SEL1L2: variants seen among roughly 807,000 people sequenced by gnomAD.
SEL1L2 encodes the protein protein sel-1 homolog 2.
In SEL1L2, 89 loss-of-function variants were observed where a neutral mutation model predicts 98.8. The observed-to-expected ratio is 0.90, with a 90% CI of 0.76 to 1.07. The LOEUF is 1.07. SEL1L2 is among the 50% of genes least tolerant of loss of function. SEL1L2 has a pLI of 0.00. For missense variants in SEL1L2, 788 were observed against 812.0 expected (o/e 0.97, Z 0.36); for synonymous variants, 262 against 278.5 (o/e 0.94, Z 0.59).
chr20:13,927,766 G>T (rs1347898545), intron 3 of SEL1L2, among the ~76,000 whole-genome samples: 1 of 152,190 alleles, frequency 6.6e-6, no homozygotes, highest in Non-Finnish European at 1.5e-5. Context: ...ATAAGGTTCT[G>T]AGCCAGTCTG....
intron 1 of SEL1L2, among the ~76,000 whole-genome samples, chr20:13,968,604 A>G (rs1301898603): frequency 2.0e-5 from 3 of 152,216 alleles, no homozygotes; most frequent in Non-Finnish European, 2.9e-5. Flanking sequence ...TGCTTCAGAA[A>G]AAAATAATGA....
At position 13,919,039 on chromosome 20, in the gene SEL1L2, CT is replaced by C; in HGVS notation, c.367del (p.Ser123AlafsTer21). ...GACTTACTCTTCTTTTTGTTTTTGGCTTTTAGACTGCTGGAGAACCTTGATG... is the reference window on the plus strand; with the variant it reads ...GACTTACTCTTCTTTTTGTTTTTGGCTTTAGACTGCTGGAGAACCTTGATG... ...MGIKVLQQSK[S>X]QKQKEEAYLL... On this transcript the variant is annotated frameshift_variant, in exon 4 of 20. Coordinates refer to ENST00000284951, the MANE Select transcript of SEL1L2 (RefSeq NM_025229.2). LOFTEE classifies it high-confidence loss of function. The C allele has an allele frequency of 4.3e-6, 7 of 1,611,876 alleles. No individual in the cohort carries two copies. Among genetic ancestry groups the C allele is most frequent in the Non-Finnish European group, 5.9e-6 (7 of 1,178,994 alleles).
intron 17 of SEL1L2, among the ~76,000 whole-genome samples, chr20:13,861,170 T>G (rs1311987959): frequency 6.6e-6 from 1 of 152,130 alleles, no homozygotes; most frequent in Non-Finnish European, 1.5e-5. Flanking sequence ...TGATCTTTTT[T>G]TTTATTTTTA....
intron 5 of SEL1L2, among the ~76,000 whole-genome samples, chr20:13,891,619 A>T (rs984854327): frequency 1.4e-5 from 2 of 147,680 alleles, no homozygotes; most frequent in African/African-American, 5.0e-5. Context: ...GTGAGCCAAG[A>T]TCATGCCACT....
chr20:13,933,694 C>T (rs188956504), intron 2 of SEL1L2, among the ~76,000 whole-genome samples: 1 of 152,152 alleles, frequency 6.6e-6, no homozygotes, highest in Non-Finnish European at 1.5e-5. Flanking sequence ...CCAGCTTCAA[C>T]ATGCGGATTC....
chr20:13,946,598 C>A (rs1356741119), intron 2 of SEL1L2, among the ~76,000 whole-genome samples: 1 of 152,250 alleles, frequency 6.6e-6, no homozygotes, highest in Non-Finnish European at 1.5e-5. Flanking sequence ...CTCCGCAGAG[C>A]CAGTGGAAGC....
chr20:13,907,536 T>G (rs2047987106), intron 5 of SEL1L2, among the ~76,000 whole-genome samples: 1 of 152,114 alleles, frequency 6.6e-6, no homozygotes, highest in African/African-American at 2.4e-5. Flanking sequence ...GCCCCTGCAC[T>G]CTAGCCTGGG....
chr20:13,922,365 C>T (rs2048702196), intron 3 of SEL1L2, among the ~76,000 whole-genome samples: 2 of 152,118 alleles, frequency 1.3e-5, no homozygotes, highest in Non-Finnish European at 2.9e-5. Flanking sequence ...TCGATTGCAT[C>T]TTTATTTGAC....
intron 2 of SEL1L2, among the ~76,000 whole-genome samples, chr20:13,953,084 C>A (rs892901679): frequency 6.6e-6 from 1 of 152,190 alleles, no homozygotes; most frequent in Non-Finnish European, 1.5e-5. Context: ...ATTTCCCAAA[C>A]CTTAGACTGG....
At chr20:13,967,770 T>G (rs1010065831) in intron 1 of SEL1L2, among the ~76,000 whole-genome samples, 1 of 152,130 alleles carries the variant, frequency 6.6e-6, no homozygotes, top group Non-Finnish European at 1.5e-5. Flanking sequence ...CCCCAACCTC[T>G]ATGCTCTGAG....
chr20:13,856,274 C>T (rs1331857033), intron 18 of SEL1L2, among the ~76,000 whole-genome samples: 2 of 152,028 alleles, frequency 1.3e-5, no homozygotes, highest in Non-Finnish European at 2.9e-5. Flanking sequence ...GGACAATAGG[C>T]ACATGCTACC....
At position 13,933,736 on chromosome 20, in the gene SEL1L2, A is replaced by C. The variant is rs374891929; in HGVS notation, c.115-1965T>G. ...CTCCTGGAGCATCAGTATCTAGCAGACAGAAAGAGAAAGAGCCTGGAAGAC... is the reference window on the plus strand; with the variant it reads ...CTCCTGGAGCATCAGTATCTAGCAGCCAGAAAGAGAAAGAGCCTGGAAGAC... On this transcript the variant is annotated intron_variant, in intron 2 of 19. Coordinates refer to ENST00000284951, the MANE Select transcript of SEL1L2 (RefSeq NM_025229.2). 7.2e-5 allele frequency among the ~76,000 whole-genome samples: 11 copies of C among 152,228 alleles called. No homozygotes were observed. In the East Asian group the frequency reaches 1.5e-3, roughly 21 times the overall value.
chr20:13,887,118 G>C (rs371047209), intron 8 of SEL1L2, among the ~76,000 whole-genome samples: 41 of 152,114 alleles, frequency 2.7e-4, no homozygotes, highest in African/African-American at 8.9e-4. Flanking sequence ...CCTATGGATA[G>C]TCTGAAAATA....
chr20:13,891,143 A>G (rs2047187019), intron 5 of SEL1L2, among the ~76,000 whole-genome samples: 1 of 152,220 alleles, frequency 6.6e-6, no homozygotes, highest in Admixed American at 6.5e-5. Flanking sequence ...GGAAATAGGC[A>G]TCTAAATTCA....
intron 17 of SEL1L2, among the ~76,000 whole-genome samples, chr20:13,862,672 TTTA>T (rs1342466197): frequency 2.0e-5 from 3 of 151,392 alleles, no homozygotes; most frequent in Non-Finnish European, 4.4e-5. Context: ...CTATAAAATT[TTTA>T]TTATTATTAT....
chr20:13,899,681 A>C (rs1327627121), intron 5 of SEL1L2, among the ~76,000 whole-genome samples: 1 of 152,086 alleles, frequency 6.6e-6, no homozygotes, highest in African/African-American at 2.4e-5. Context: ...CTCACCTATT[A>C]ATATTGTTAA....
chr20:13,941,784 C>T (rs1321240), intron 2 of SEL1L2, among the ~76,000 whole-genome samples: 136,730 of 151,836 alleles, frequency 0.9, 61,741 homozygotes, highest in East Asian at 1. Context: ...GAGTAAAGAG[C>T]GAGTCATATT....
chr20:13,851,877 T>G (rs1251143377), intron 18 of SEL1L2, among the ~76,000 whole-genome samples: 2 of 152,092 alleles, frequency 1.3e-5, no homozygotes, highest in Non-Finnish European at 2.9e-5. Context: ...GGGGGTGATG[T>G]CTTCTCTCAG....
intron 17 of SEL1L2, among the ~76,000 whole-genome samples, chr20:13,862,673 T>C (rs1356415115): frequency 6.6e-6 from 1 of 151,488 alleles, no homozygotes; most frequent in Non-Finnish European, 1.5e-5. Context: ...TATAAAATTT[T>C]TATTATTATT....
Sources: allele counts gnomAD v4.1 joint callset (sites outside exome capture counted in the v4.1 genomes callset), GRCh38; gene constraint gnomAD v4.1.1; transcripts MANE v1.5; gene names NCBI Gene and HGNC (gene_info 2026-07-23, HGNC 2026-07-21).